Variants in KCNQ1 observed in about 807,000 individuals in gnomAD.
KCNQ1 encodes the protein potassium voltage-gated channel subfamily Q member 1, also known as potassium voltage-gated channel subfamily KQT member 1.
KCNQ1 carries 49 observed loss-of-function variants against 72.4 expected under a neutral mutation model. The observed-to-expected ratio is 0.68, with a 90% CI of 0.54 to 0.86. KCNQ1 has a LOEUF of 0.86. Among genes scored for constraint, KCNQ1 ranks in the 40% least tolerant of loss-of-function variants. KCNQ1 has a pLI of 0.00. For synonymous variants in KCNQ1, 450 were observed against 412.6 expected, an observed-to-expected ratio of 1.09 and a Z score of -1.10; for missense variants, 790 against 945.1, an observed-to-expected ratio of 0.84 and a Z score of 2.15.
At chr11:2,524,329 C>T (rs1402702003) in intron 1 of KCNQ1, among the ~76,000 whole-genome samples, 4 of 152,196 alleles carry the variant, frequency 2.6e-5, no homozygotes, top group East Asian at 1.9e-4. Flanking sequence ...CCAGCCATGC[C>T]GGGTCAGGGA....
intron 11 of KCNQ1, among the ~76,000 whole-genome samples, chr11:2,738,631 C>G (rs1564877217): frequency 2.6e-5 from 4 of 152,172 alleles, no homozygotes. Flanking sequence ...CCAGGAGATG[C>G]AGGGCTTAGC....
chr11:2,780,171 G>T (rs1846796860), intron 15 of KCNQ1, among the ~76,000 whole-genome samples: 1 of 152,200 alleles, frequency 6.6e-6, no homozygotes, highest in Non-Finnish European at 1.5e-5. Flanking sequence ...TCAAGGAGTT[G>T]ACAGAGCTGT....
Position 2,566,389 on chromosome 11 carries a change from C to T in KCNQ1, c.478-4239C>T, listed in dbSNP as rs956681573. 5.3e-5 allele frequency among the ~76,000 whole-genome samples: 8 copies of T among 152,180 alleles called. No homozygotes were observed. The highest frequency in any genetic ancestry group is 1.4e-4 in the African/African-American group (6 of 41,432). On this transcript the variant is annotated intron_variant, in intron 2 of 15. Coordinates refer to ENST00000155840, the MANE Select transcript of KCNQ1 (RefSeq NM_000218.3). The surrounding 1 kb of genome is among the most constrained non-coding windows in gnomAD (Gnocchi z 6.7). ...AGGACACCTGTACCTTGTCCCGGGG[C>T]GGGGCTCTCTCTGCCATGGACGCCA...
At position 2,678,375 on chromosome 11, in the gene KCNQ1, C is replaced by T. The variant is rs1850329260; in HGVS notation, c.1514+16294C>T. On this transcript the variant is annotated intron_variant, in intron 11 of 15. Transcript: ENST00000155840. The surrounding 1 kb of genome is among the most constrained non-coding windows in gnomAD (Gnocchi z 4.9). ...GGGATTTTGACAGAGTAATTAAATC[C>T]AATTTGGTTTCCCATATATTTGTCC... is the stretch of plus-strand genomic sequence containing the variant. The T allele has an allele frequency of 2.5e-6, 1 of 398,158 alleles. No homozygotes were observed. The highest frequency in any genetic ancestry group is 4.4e-6 in the Non-Finnish European group (1 of 225,978). The allele number at this position is 398,158 out of a possible 1,614,324, so 24.7% of individuals were successfully genotyped here.
At chr11:2,511,613 G>A (rs996367240) in intron 1 of KCNQ1, among the ~76,000 whole-genome samples, 1 of 152,220 alleles carries the variant, frequency 6.6e-6, no homozygotes, top group Non-Finnish European at 1.5e-5. Context: ...GGGCGGGACT[G>A]AGGATACCGA....
chr11:2,622,203 C>A, intron 10 of KCNQ1: 1 of 398,334 alleles, frequency 2.5e-6, no homozygotes, highest in South Asian at 1.3e-4. Context: ...CCAATTCTGT[C>A]AGTATATTTT....
At chr11:2,665,579 C>T (rs574022112) in intron 11 of KCNQ1, 3 of 396,064 alleles carry the variant, frequency 7.6e-6, no homozygotes, top group South Asian at 1.3e-4. Flanking sequence ...ATCTTTCCAA[C>T]GTCTGCTCAG....
chr11:2,739,163 G>T (rs1846006693), intron 11 of KCNQ1, among the ~76,000 whole-genome samples: 1 of 152,206 alleles, frequency 6.6e-6, no homozygotes, highest in South Asian at 2.1e-4. Flanking sequence ...CCACATGTGT[G>T]CCCAGCATGT....
chr11:2,527,008 TC>T (rs1361012737), intron 1 of KCNQ1, among the ~76,000 whole-genome samples: 2 of 151,998 alleles, frequency 1.3e-5, no homozygotes, highest in Admixed American at 1.3e-4. Context: ...CCCGTGGGAA[TC>T]CCCCTAGAGG....
chr11:2,714,070 A>C (rs1404003960), intron 11 of KCNQ1, among the ~76,000 whole-genome samples: 1 of 152,072 alleles, frequency 6.6e-6, no homozygotes, highest in Non-Finnish European at 1.5e-5. Flanking sequence ...ATAGAGCGCC[A>C]AGGATGCGGG....
intron 11 of KCNQ1, chr11:2,667,597 G>C: frequency 2.5e-6 from 1 of 397,976 alleles, no homozygotes; most frequent in Non-Finnish European, 4.4e-6. Flanking sequence ...GGGGTTGGGC[G>C]GGGGGCACAT....
In KCNQ1 at chr11:2,608,634, A is replaced by G; in HGVS notation, c.1393+19780A>G. On this transcript the variant is annotated intron_variant, in intron 10 of 15. Transcript: ENST00000155840. The surrounding 1 kb of genome is among the most constrained non-coding windows in gnomAD (Gnocchi z 4.6). ...GCACCACAACACCAGCTGTTATTCA[A>G]AAAATATTTTGTAGAGATAGGGTCT... The G allele has an allele frequency of 2.5e-6, 1 of 398,478 alleles. No individual in the cohort carries two copies. Among genetic ancestry groups the G allele is most frequent in the African/African-American group, 2.1e-5 (1 of 48,684 alleles). 24.7% of individuals were successfully genotyped at this position (398,478 alleles called of 1,614,324 possible).
At position 2,543,278 on chromosome 11, in the gene KCNQ1, CT is replaced by C. The variant is rs148495618; in HGVS notation, c.477+15270del. Among the ~76,000 whole-genome samples the C allele has an allele frequency of 1.3e-5, 2 of 149,516 alleles. No individual in the cohort carries two copies. Among genetic ancestry groups the C allele is most frequent in the Admixed American group, 6.7e-5 (1 of 14,946 alleles). ...TTCCTTTTCATTTATTTAGTAGTAT[CT>C]TTTTTTTTTGTTTGAGACTGGGTCA... On this transcript the variant is annotated intron_variant, in intron 2 of 15. Coordinates refer to ENST00000155840, the MANE Select transcript of KCNQ1 (RefSeq NM_000218.3). This position sits in a 1 kb window ranked among gnomAD's most constrained non-coding sequence, Gnocchi z 5.6.
intron 1 of KCNQ1, among the ~76,000 whole-genome samples, chr11:2,525,008 A>T (rs1432377077): frequency 6.6e-6 from 1 of 152,134 alleles, no homozygotes; most frequent in East Asian, 1.9e-4. Context: ...AAACAAACAG[A>T]CGTCCAGGAG....
chr11:2,592,229 C>T lies in KCNQ1; in HGVS notation c.1393+3375C>T, dbSNP rs1397575137. ...TTGGCCCCATTTATAGATGGAGAAA[C>T]GGAAGGCCAGGGCCATGTGGGGAAC... On this transcript the variant is annotated intron_variant, in intron 10 of 15. Coordinates refer to ENST00000155840, the MANE Select transcript of KCNQ1 (RefSeq NM_000218.3). This position sits in a 1 kb window ranked among gnomAD's most constrained non-coding sequence, Gnocchi z 5.2. 2.0e-5 allele frequency among the ~76,000 whole-genome samples: 3 copies of T among 152,222 alleles called. No individual in the cohort carries two copies. Among genetic ancestry groups the T allele is most frequent in the Admixed American group, 6.5e-5 (1 of 15,286 alleles).
chr11:2,676,144 C>CTGTA lies in KCNQ1; in HGVS notation c.1514+14069_1514+14072dup. The CTGTA allele has an allele frequency of 5.0e-6, 2 of 398,586 alleles. No homozygotes were observed. Among genetic ancestry groups the CTGTA allele is most frequent in the East Asian group, 7.1e-5 (2 of 28,080 alleles). The allele number at this position is 398,586 out of a possible 1,614,324, so 24.7% of individuals were successfully genotyped here. ...TCCTTTTTATACAAATGGTAGCATA[C>CTGTA]TGTATGTATTTTTCTACACTTTGCC... On this transcript the variant is annotated intron_variant, in intron 11 of 15. Coordinates refer to ENST00000155840, the MANE Select transcript of KCNQ1 (RefSeq NM_000218.3). The surrounding 1 kb of genome is among the most constrained non-coding windows in gnomAD (Gnocchi z 4.2).
At chr11:2,795,296 T>C (rs1228057174) in intron 15 of KCNQ1, among the ~76,000 whole-genome samples, 2 of 152,246 alleles carry the variant, frequency 1.3e-5, no homozygotes, top group African/African-American at 2.4e-5. Context: ...AGACCTGCAG[T>C]TGGGGCACTG....
At chr11:2,684,544 T>C (rs1850452198) in intron 11 of KCNQ1, 2 of 398,500 alleles carry the variant, frequency 5.0e-6, no homozygotes, top group Non-Finnish European at 8.8e-6. Context: ...ATATATTTGA[T>C]GCTTTCTCCA....
intron 10 of KCNQ1, chr11:2,656,571 G>C: frequency 2.5e-6 from 1 of 398,578 alleles, no homozygotes; most frequent in Non-Finnish European, 4.4e-6. Context: ...TCAGCCTTTT[G>C]GATTCCTCTT....
Sources: gnomAD v4.1 joint callset for allele counts (sites outside exome capture counted in the v4.1 genomes callset) on GRCh38, gnomAD v4.1.1 for gene constraint, Gnocchi (gnomAD v3.1) non-coding constraint, MANE v1.5 for transcripts, NCBI Gene and HGNC (gene_info 2026-07-23, HGNC 2026-07-21) for gene names.